The following SP3 variants were observed in gnomAD, a reference collection of about 807,000 sequenced individuals.
SP3 encodes Sp3 transcription factor.
Under a neutral mutation model 70.3 loss-of-function variants are expected in SP3, and 10 were observed. The observed-to-expected ratio is 0.14, with a 90% confidence interval of 0.09 to 0.24. The LOEUF (loss-of-function observed/expected upper bound fraction) is 0.24, where lower values mean the gene tolerates loss of function less well. Ranked by LOEUF, SP3 falls within the 10% of genes least tolerant of loss-of-function variation. SP3 has a pLI of 1.00. For synonymous variants in SP3, 402 were observed against 333.5 expected, an observed-to-expected ratio of 1.21 and a Z score of -2.24; for missense variants, 825 against 914.6, an observed-to-expected ratio of 0.90 and a Z score of 1.26.
chr2:173,965,025 G>A (rs1337084868), intron 1 of SP3, 140 bp downstream of exon 1: 9 of 1,105,328 alleles, frequency 8.1e-6, no homozygotes, highest in African/African-American at 3.2e-5. Flanking sequence ...GAGGCGCAGG[G>A]GAGTGCAGCT....
rs1003008543 is a variant in SP3, at chr2:173,965,129, G to C, written c.7+36C>G. On this transcript the variant is annotated intron_variant, in intron 1 of 6. Coordinates refer to ENST00000310015, the MANE Select transcript of SP3 (RefSeq NM_003111.5). ...TGTGGTCGGCGGCAGCGGCGGCGGC[G>C]GCAGCAGCAAGGGTTGCTCTCTCGG... The C allele has an allele frequency of 4.5e-6, 7 of 1,546,658 alleles. No individual in the cohort carries two copies. In the East Asian group the frequency reaches 1.7e-4, roughly 38 times the overall value.
At chr2:173,954,852 A>C (rs1349193625) in intron 4 of SP3, 21 bp downstream of exon 4, 1 of 1,598,026 alleles carries the variant, frequency 6.3e-7, no homozygotes, top group East Asian at 2.2e-5. Flanking sequence ...TATTTATGGC[A>C]TGACATAACT....
rs545114173 is a variant in SP3 at position 173,944,448 on chromosome 2, G to A, written c.1639+10425C>T. Among the ~76,000 whole-genome samples the A allele has an allele frequency of 6.6e-5, 10 of 152,244 alleles. No homozygotes were observed. In the South Asian group the frequency reaches 2.1e-3, roughly 32 times the overall value. Reference sequence around the variant, plus strand: ...TAACTCAGGAGGATTGCTTGAGCCTGGGAGCTGGAGATTGCAGTGAGCCAA... The same window carrying A: ...TAACTCAGGAGGATTGCTTGAGCCTAGGAGCTGGAGATTGCAGTGAGCCAA... On this transcript the variant is annotated intron_variant, in intron 4 of 6. Transcript: ENST00000310015.
chr2:173,929,455 A>C (rs1690006603), intron 4 of SP3, among the ~76,000 whole-genome samples: 1 of 152,196 alleles, frequency 6.6e-6, no homozygotes, highest in South Asian at 2.1e-4. Flanking sequence ...GCCCCTCTTC[A>C]CAGAGACCTA....
chr2:173,911,790 G>A (rs1689489946), intron 6 of SP3, among the ~76,000 whole-genome samples: 1 of 148,204 alleles, frequency 6.7e-6, no homozygotes, highest in African/African-American at 2.5e-5. Context: ...ACAGCAGACT[G>A]CAACGCAAAA....
intron 3 of SP3, among the ~76,000 whole-genome samples, chr2:173,961,485 C>T (rs1044741120): frequency 6.6e-6 from 1 of 152,108 alleles, no homozygotes; most frequent in African/African-American, 2.4e-5. Context: ...AGAAAATGGA[C>T]ATTAGTGGAA....
At chr2:173,920,424 T>C (rs1466194617) in intron 4 of SP3, among the ~76,000 whole-genome samples, 2 of 152,134 alleles carry the variant, frequency 1.3e-5, no homozygotes, top group Admixed American at 1.3e-4. Context: ...ATGTAGAGTA[T>C]GGACTTTGGG....
chr2:173,927,674 A>T (rs1372864014), intron 4 of SP3, among the ~76,000 whole-genome samples: 1 of 152,202 alleles, frequency 6.6e-6, no homozygotes, highest in Non-Finnish European at 1.5e-5. Context: ...GATCCTTTTA[A>T]GCTTTATAAA....
At chr2:173,931,272 T>C (rs1690057544) in intron 4 of SP3, among the ~76,000 whole-genome samples, 1 of 152,142 alleles carries the variant, frequency 6.6e-6, no homozygotes, top group Non-Finnish European at 1.5e-5. Context: ...TTCACATCTG[T>C]AATTCCAGCA....
intron 4 of SP3, among the ~76,000 whole-genome samples, chr2:173,927,705 A>G (rs542564110): frequency 1.3e-5 from 2 of 152,326 alleles, no homozygotes; most frequent in East Asian, 3.9e-4. Flanking sequence ...TAAACTTTGG[A>G]AAACAGTATT....
At position 173,963,790 on chromosome 2, in the gene SP3, C is replaced by A; in HGVS notation, c.250G>T (p.Ala84Ser). ...CCGGCGGCGGCGGGGGCCCCGGCTGCGGCGGCCGCCTCCTCCTCGTCGTCG... is the reference window on the plus strand; with the variant it reads ...CCGGCGGCGGCGGGGGCCCCGGCTGAGGCGGCCGCCTCCTCCTCGTCGTCG... ...PGDDEEEAAAAAGAPAAAGAT... is the reference protein window; with the variant it reads ...PGDDEEEAAASAGAPAAAGAT... The change falls in exon 3 of 7, where the codon GCA becomes TCA. Residue 84 changes from alanine to serine, a missense_variant. Physicochemically the swap from Ala to Ser is moderately conservative, Grantham distance 99 (BLOSUM62 1). Coordinates refer to ENST00000310015, the MANE Select transcript of SP3 (RefSeq NM_003111.5). 1.4e-6 allele frequency: 2 copies of A among 1,399,096 alleles called. No homozygotes were observed. Among genetic ancestry groups the A allele is most frequent in the South Asian group, 1.4e-5 (1 of 70,970 alleles). 86.7% of individuals were successfully genotyped at this position (1,399,096 alleles called of 1,614,324 possible).
intron 4 of SP3, among the ~76,000 whole-genome samples, chr2:173,936,058 C>T (rs1167029020): frequency 1.3e-5 from 2 of 152,114 alleles, no homozygotes; most frequent in Admixed American, 1.3e-4. Context: ...AACGGAGTCC[C>T]GCTCTGTCAC....
chr2:173,921,016 T>G (rs551653538), intron 4 of SP3, among the ~76,000 whole-genome samples: 1 of 152,226 alleles, frequency 6.6e-6, no homozygotes, highest in East Asian at 1.9e-4. Flanking sequence ...GGTAATATCC[T>G]ATTTCTTGAT....
chr2:173,963,715 G>A, intron 3 of SP3, 46 bp downstream of exon 3: 2 of 792,598 alleles, frequency 2.5e-6, no homozygotes, highest in Non-Finnish European at 1.5e-6. Context: ...GGTCCGGGAT[G>A]GCGGGCGCCC....
At chr2:173,956,599 A>G (rs1266828035) in intron 3 of SP3, among the ~76,000 whole-genome samples, 1 of 152,240 alleles carries the variant, frequency 6.6e-6, no homozygotes, top group Non-Finnish European at 1.5e-5. Context: ...TAAAAAGGAA[A>G]CATAAGCATA....
chr2:173,954,900 G>T lies in SP3; in HGVS notation c.1612C>A (p.Pro538Thr), dbSNP rs750730164. The T allele has an allele frequency of 1.1e-5, 18 of 1,613,786 alleles. No individual in the cohort carries two copies. In the Admixed American group the frequency reaches 3.0e-4, roughly 27 times the overall value. Residue 538 changes from proline to threonine, a missense_variant, in exon 4 of 7, where the codon CCA becomes ACA. Coordinates refer to ENST00000310015, the MANE Select transcript of SP3 (RefSeq NM_003111.5). ...SIDSAGIQLH[P>T]GENADSPADI... Reference sequence around the variant, plus strand: ...GCAGGACTGTCAGCATTCTCTCCTGGATGTAGCTGTATACCAGCAGAATCT... The same window carrying T: ...GCAGGACTGTCAGCATTCTCTCCTGTATGTAGCTGTATACCAGCAGAATCT...
chr2:173,904,564 G>T lies in SP3; in HGVS notation c.*5377C>A, dbSNP rs1343780330. Among the ~76,000 whole-genome samples the T allele has an allele frequency of 6.6e-6, 1 of 152,174 alleles. No individual in the cohort carries two copies. Among genetic ancestry groups the T allele is most frequent in the East Asian group, 1.9e-4 (1 of 5,202 alleles). On this transcript the variant is annotated 3_prime_UTR_variant, in exon 7 of 7. Transcript: ENST00000310015. ...GAAAGCCATTTTCTTTTTCTTCTGG[G>T]GTTGAATGTCATCTTTGCTTTCTCT...
Position 173,910,326 on chromosome 2 carries a change from A to C in SP3, c.2030-69T>G, listed in dbSNP as rs1689443771. On this transcript the variant is annotated intron_variant, in intron 6 of 6. Coordinates refer to ENST00000310015, the MANE Select transcript of SP3 (RefSeq NM_003111.5). Reference sequence around the variant, plus strand: ...TTTAATAGCTCAATCATCTCCCCCAAAACAGAAAGTAAGTCAACGCTGACA... The same window carrying C: ...TTTAATAGCTCAATCATCTCCCCCACAACAGAAAGTAAGTCAACGCTGACA... 3.0e-6 allele frequency: 4 copies of C among 1,354,258 alleles called. No individual in the cohort carries two copies. The African/African-American group carries it at 5.8e-5, about 20-fold the overall frequency. 83.9% of individuals were successfully genotyped at this position (1,354,258 alleles called of 1,614,324 possible).
At chr2:173,962,068 T>C (rs962537726) in intron 3 of SP3, among the ~76,000 whole-genome samples, 5 of 151,824 alleles carry the variant, frequency 3.3e-5, no homozygotes, top group African/African-American at 7.3e-5. Flanking sequence ...TGGCAGAATA[T>C]GTGTTGTCAG....
Sources: allele counts gnomAD v4.1 joint callset (sites outside exome capture counted in the v4.1 genomes callset), GRCh38; gene constraint gnomAD v4.1.1; transcripts MANE v1.5; gene names NCBI Gene and HGNC (gene_info 2026-07-23, HGNC 2026-07-21).